Variants in SLC36A1 observed in about 807,000 individuals in gnomAD.
SLC36A1 encodes the protein solute carrier family 36 member 1.
A neutral mutation model predicts 47.5 loss-of-function variants in SLC36A1; 30 were observed. The ratio of observed to expected loss-of-function variants is 0.63; its 90% confidence interval spans 0.47 to 0.86. The LOEUF (loss-of-function observed/expected upper bound fraction) is 0.86. SLC36A1 is among the 40% of genes least tolerant of loss of function. The pLI is 0.00. For synonymous variants in SLC36A1, 255 were observed against 249.7 expected, an observed-to-expected ratio of 1.02 and a Z score of -0.20; for missense variants, 517 against 606.0, an observed-to-expected ratio of 0.85 and a Z score of 1.54.
chr5:151,372,854 G>A, the SLC36A1 span, among the ~76,000 whole-genome samples: 2 of 152,238 alleles, frequency 1.3e-5, no homozygotes, highest in East Asian at 3.9e-4. Context: ...CAGAAAAAAA[G>A]AGTGAAAAAA....
At chr5:151,473,834 T>C (rs1391216451) in intron 8 of SLC36A1, 63 bp downstream of exon 8, 1 of 1,243,036 alleles carries the variant, frequency 8.0e-7, no homozygotes, top group Non-Finnish European at 1.2e-6. Flanking sequence ...TCCAGGTCTG[T>C]TTCAAGGAAT....
At chr5:151,501,536 C>T in the SLC36A1 span, among the ~76,000 whole-genome samples, 1 of 147,818 alleles carries the variant, frequency 6.8e-6, no homozygotes, top group Non-Finnish European at 1.5e-5. Flanking sequence ...CCCACCTTGG[C>T]CTCCCAAAGT....
chr5:151,415,242 T>G, the SLC36A1 span, among the ~76,000 whole-genome samples: 9 of 152,166 alleles, frequency 5.9e-5, no homozygotes, highest in Non-Finnish European at 1.2e-4. Flanking sequence ...TTGAAGACTA[T>G]TGATTATATT....
At chr5:151,524,993 CATG>C in the SLC36A1 span, among the ~76,000 whole-genome samples, 1 of 152,166 alleles carries the variant, frequency 6.6e-6, no homozygotes, top group African/African-American at 2.4e-5. Context: ...TGTTTATCTC[CATG>C]ATTACAATGG....
At chr5:151,550,504 G>T in the SLC36A1 span, 1 of 1,451,590 alleles carries the variant, frequency 6.9e-7, no homozygotes. Flanking sequence ...TGAGGGGAAG[G>T]GGGACCTTCA....
At chr5:151,361,182 C>T in the SLC36A1 span, among the ~76,000 whole-genome samples, 1 of 152,300 alleles carries the variant, frequency 6.6e-6, no homozygotes, top group East Asian at 1.9e-4. Flanking sequence ...CACTCTCTTC[C>T]ATAGCACTGA....
the SLC36A1 span, among the ~76,000 whole-genome samples, chr5:151,370,259 T>C: frequency 4.2e-3 from 642 of 152,370 alleles, no homozygotes; most frequent in Non-Finnish European, 5.2e-3. Context: ...CAAGCCAGTA[T>C]ATGATCATCC....
the SLC36A1 span, among the ~76,000 whole-genome samples, chr5:151,399,692 G>T: frequency 6.6e-6 from 1 of 152,110 alleles, no homozygotes; most frequent in African/African-American, 2.4e-5. Flanking sequence ...TGTTGGCAGG[G>T]ATTGTCATAC....
the SLC36A1 span, chr5:151,542,295 G>A: frequency 1.3e-6 from 2 of 1,596,952 alleles, no homozygotes; most frequent in African/African-American, 1.3e-5. Flanking sequence ...CTGTGATGTA[G>A]CAGGTGACCT....
chr5:151,348,259 G>C, the SLC36A1 span, among the ~76,000 whole-genome samples: 1 of 152,194 alleles, frequency 6.6e-6, no homozygotes, highest in African/African-American at 2.4e-5. Context: ...GGCGCCAGGA[G>C]GTGGTGAGAT....
the SLC36A1 span, among the ~76,000 whole-genome samples, chr5:151,370,258 A>G: frequency 6.6e-6 from 1 of 152,272 alleles, no homozygotes; most frequent in South Asian, 2.1e-4. Flanking sequence ...CCAAGCCAGT[A>G]TATGATCATC....
At chr5:151,532,123 C>T in the SLC36A1 span, among the ~76,000 whole-genome samples, 1 of 152,102 alleles carries the variant, frequency 6.6e-6, no homozygotes, top group Admixed American at 6.5e-5. Flanking sequence ...GTCTCTCCAG[C>T]GGGGTGTCTT....
the SLC36A1 span, among the ~76,000 whole-genome samples, chr5:151,516,290 G>A: frequency 0.7 from 106,915 of 152,044 alleles, 38,218 homozygotes; most frequent in East Asian, 0.96. Flanking sequence ...TGGGTGGATC[G>A]CTTGAGGCCA....
At chr5:151,505,919 C>T in the SLC36A1 span, 10 of 1,588,554 alleles carry the variant, frequency 6.3e-6, no homozygotes, top group Admixed American at 1.9e-4. Context: ...GCTTGTTTTC[C>T]ATCTCCAGGG....
At chr5:151,374,698 A>G in the SLC36A1 span, among the ~76,000 whole-genome samples, 3 of 152,188 alleles carry the variant, frequency 2.0e-5, no homozygotes, top group South Asian at 6.2e-4. Flanking sequence ...AAATACAACA[A>G]TGTATTAGCA....
the SLC36A1 span, chr5:151,431,127 A>T: frequency 6.6e-6 from 1 of 152,196 alleles, no homozygotes; most frequent in Non-Finnish European, 1.5e-5. Context: ...TTTGCTACTA[A>T]CACAACTTCT....
chr5:151,428,241 C>A, the SLC36A1 span, among the ~76,000 whole-genome samples: 1 of 152,174 alleles, frequency 6.6e-6, no homozygotes, highest in Non-Finnish European at 1.5e-5. Context: ...TACTCTAAAT[C>A]CTGACTGATA....
chr5:151,430,162 C>CT, the SLC36A1 span, among the ~76,000 whole-genome samples: 4,592 of 130,662 alleles, frequency 0.035, 213 homozygotes, highest in East Asian at 0.14. Flanking sequence ...ATTAGCTAAA[C>CT]TTTTTTTTTT....
At chr5:151,433,309 G>GTT (rs1759564309), upstream of SLC36A1, among the ~76,000 whole-genome samples, 1 of 59,352 alleles carries the variant, frequency 1.7e-5, no homozygotes, top group African/African-American at 5.8e-5. Context: ...TTGAGACGGA[G>GTT]TTTCACTCTT....
Sources: allele counts gnomAD v4.1 joint callset (sites outside exome capture counted in the v4.1 genomes callset), GRCh38; gene constraint gnomAD v4.1.1; transcripts MANE v1.5; gene names NCBI Gene and HGNC (gene_info 2026-07-23, HGNC 2026-07-21).